The following FOXN3 variants were observed in gnomAD, a reference collection of about 807,000 sequenced individuals.
FOXN3 encodes the protein forkhead box N3, also known as forkhead box protein N3.
In FOXN3, 7 loss-of-function variants were observed where a neutral mutation model predicts 38.4. That is an observed-to-expected ratio of 0.18 (90% confidence interval 0.10 to 0.34). The LOEUF is 0.34. FOXN3 is among the 10% of genes least tolerant of loss of function. The pLI, the probability that FOXN3 is intolerant of heterozygous loss-of-function variation, is 1.00. For synonymous variants in FOXN3, 230 were observed against 242.2 expected (o/e 0.95, Z 0.47); for missense variants, 456 against 613.4 (o/e 0.74, Z 2.71).
At chr14:89,186,018 G>A (rs1255770755) in intron 4 of FOXN3, 1 of 152,348 alleles carries the variant, frequency 6.6e-6, no homozygotes, top group African/African-American at 2.4e-5. Context: ...TAGCTTCCTT[G>A]GTTTTTCACA....
intron 4 of FOXN3, among the ~76,000 whole-genome samples, chr14:89,266,302 G>A (rs1440553769): frequency 9.2e-5 from 14 of 152,152 alleles, no homozygotes; most frequent in Admixed American, 6.5e-5. Flanking sequence ...GTGTCCTCAC[G>A]TGGCCTTTCC....
At chr14:89,523,514 A>G (rs1894363712) in intron 1 of FOXN3, among the ~76,000 whole-genome samples, 1 of 152,248 alleles carries the variant, frequency 6.6e-6, no homozygotes, top group Admixed American at 6.5e-5. Context: ...TGATCACAAC[A>G]GAATCAAATT....
At chr14:89,577,790 G>A (rs1483712394) in intron 1 of FOXN3, among the ~76,000 whole-genome samples, 1 of 152,166 alleles carries the variant, frequency 6.6e-6, no homozygotes, top group Admixed American at 6.5e-5. Flanking sequence ...TTCCTGAGGA[G>A]GAAATTCAAC....
chr14:89,307,626 G>A lies in FOXN3; in HGVS notation c.681-26612C>T, dbSNP rs562508968. Reference sequence around the variant, plus strand: ...CTCTCCCTTCGGTTCTCCATTTACCGAGCCACAGTATTTCTTAAAGCTCGT... The same window carrying A: ...CTCTCCCTTCGGTTCTCCATTTACCAAGCCACAGTATTTCTTAAAGCTCGT... On this transcript the variant is annotated intron_variant, in intron 3 of 5. Coordinates refer to ENST00000557258, the MANE Select transcript of FOXN3 (RefSeq NM_005197.4). 4.6e-5 allele frequency among the ~76,000 whole-genome samples: 7 copies of A among 152,090 alleles called. No homozygotes were observed. The South Asian group carries it at 1.5e-3, about 32-fold the overall frequency.
intron 2 of FOXN3, among the ~76,000 whole-genome samples, chr14:89,398,891 G>A (rs191448537): frequency 6.6e-6 from 1 of 152,350 alleles, no homozygotes; most frequent in East Asian, 1.9e-4. Flanking sequence ...AGGCTAAGCA[G>A]GAGAATCGCT....
intron 1 of FOXN3, among the ~76,000 whole-genome samples, chr14:89,433,183 C>T (rs1644283197): frequency 6.6e-6 from 1 of 152,082 alleles, no homozygotes; most frequent in Non-Finnish European, 1.5e-5. Flanking sequence ...AACCCTGTCT[C>T]TACTAAAAAT....
At chr14:89,345,752 C>T (rs752349146) in intron 3 of FOXN3, among the ~76,000 whole-genome samples, 11 of 152,226 alleles carry the variant, frequency 7.2e-5, no homozygotes, top group South Asian at 2.1e-4. Context: ...TCCTGAGTTA[C>T]TTCACTTAGA....
At chr14:89,279,290 AG>A (rs1161710254) in intron 4 of FOXN3, among the ~76,000 whole-genome samples, 1 of 152,216 alleles carries the variant, frequency 6.6e-6, no homozygotes, top group Admixed American at 6.5e-5. Flanking sequence ...TATCAGGAAG[AG>A]AAAAGAAGTC....
intron 3 of FOXN3, among the ~76,000 whole-genome samples, chr14:89,308,277 A>G (rs1385158550): frequency 6.6e-6 from 1 of 152,244 alleles, no homozygotes; most frequent in Non-Finnish European, 1.5e-5. Flanking sequence ...ACAAATGAAC[A>G]AACAGACAAA....
intron 5 of FOXN3, among the ~76,000 whole-genome samples, chr14:89,177,370 T>G (rs1887549830): frequency 1.3e-5 from 2 of 152,214 alleles, no homozygotes; most frequent in Admixed American, 1.3e-4. Flanking sequence ...AAACTATGGT[T>G]TCACATTTTA....
At chr14:89,333,451 C>G (rs1339087399) in intron 3 of FOXN3, among the ~76,000 whole-genome samples, 1 of 148,684 alleles carries the variant, frequency 6.7e-6, no homozygotes, top group Non-Finnish European at 1.5e-5. Context: ...GCACCTATTA[C>G]GAAGAACAGT....
chr14:89,396,018 T>C (rs1426143292), intron 2 of FOXN3, among the ~76,000 whole-genome samples: 1 of 152,136 alleles, frequency 6.6e-6, no homozygotes, highest in East Asian at 1.9e-4. Context: ...TCTGTGTGGA[T>C]TTCATCAATG....
intron 1 of FOXN3, among the ~76,000 whole-genome samples, chr14:89,464,908 A>G (rs374342993): frequency 1.3e-5 from 2 of 152,030 alleles, no homozygotes; most frequent in Non-Finnish European, 2.9e-5. Flanking sequence ...ATGTTGGCCA[A>G]GCTGGTCTCG....
At chr14:89,172,808 T>C (rs961424092) in intron 5 of FOXN3, among the ~76,000 whole-genome samples, 4 of 152,200 alleles carry the variant, frequency 2.6e-5, no homozygotes, top group East Asian at 1.9e-4. Flanking sequence ...ATTTGAAAAA[T>C]ATTTAAGTGT....
intron 1 of FOXN3, among the ~76,000 whole-genome samples, chr14:89,491,143 T>G (rs1050937846): frequency 1.8e-4 from 9 of 51,078 alleles, no homozygotes; most frequent in African/African-American, 1.6e-3. Context: ...TGTTTTTTGT[T>G]TTTTTTTTTT....
chr14:89,320,975 T>A (rs1454803165), intron 3 of FOXN3, among the ~76,000 whole-genome samples: 1 of 152,098 alleles, frequency 6.6e-6, no homozygotes, highest in Non-Finnish European at 1.5e-5. Context: ...GAAAGGAACC[T>A]TCTTCTTGGG....
At chr14:89,360,578 GA>G (rs1383511256) in intron 2 of FOXN3, among the ~76,000 whole-genome samples, 2 of 145,614 alleles carry the variant, frequency 1.4e-5, no homozygotes, top group African/African-American at 5.3e-5. Flanking sequence ...GAGAGAGAGA[GA>G]AGAAGAAAGG....
chr14:89,554,365 G>A (rs571263182), intron 1 of FOXN3, among the ~76,000 whole-genome samples: 1 of 152,050 alleles, frequency 6.6e-6, no homozygotes, highest in Admixed American at 6.5e-5. Context: ...TCGAACTCCT[G>A]AGCTCAAGCA....
At chr14:89,165,275 T>C (rs189005539) in intron 5 of FOXN3, among the ~76,000 whole-genome samples, 60 of 152,260 alleles carry the variant, frequency 3.9e-4, no homozygotes, top group African/African-American at 1.3e-3. Context: ...GAGCAGGCTG[T>C]TTTACTTCTT....
Sources: gnomAD v4.1 joint callset for allele counts (sites outside exome capture counted in the v4.1 genomes callset) on GRCh38, gnomAD v4.1.1 for gene constraint, MANE v1.5 for transcripts, NCBI Gene and HGNC (gene_info 2026-07-23, HGNC 2026-07-21) for gene names.